Variants in ARPC2 observed in about 807,000 individuals in gnomAD.
ARPC2 encodes actin related protein 2/3 complex subunit 2, also known as actin-related protein 2/3 complex subunit 2.
ARPC2 carries 4 observed loss-of-function variants against 38.6 expected under a neutral mutation model. The ratio of observed to expected loss-of-function variants is 0.10; its 90% CI spans 0.05 to 0.24. The LOEUF (loss-of-function observed/expected upper bound fraction) is 0.24, where lower values mean the gene tolerates loss of function less well. Among genes scored for constraint, ARPC2 ranks in the 10% least tolerant of loss-of-function variants. The probability of loss-of-function intolerance (pLI) is 1.00; values close to 1 mark genes in which losing one functional copy is unlikely to be tolerated. For missense variants in ARPC2, 229 were observed against 387.3 expected (o/e 0.59, Z 3.43); for synonymous variants, 125 against 140.8 (o/e 0.89, Z 0.79).
In ARPC2 at chr2:218,228,734, A is replaced by G. The variant is rs747583083; in HGVS notation, c.110-4A>G. The G allele has an allele frequency of 2.6e-6, 4 of 1,542,966 alleles. No individual in the cohort carries two copies. Among genetic ancestry groups the G allele is most frequent in the Non-Finnish European group, 3.6e-6 (4 of 1,116,198 alleles). The stretch of plus-strand genomic sequence containing the variant: ...TTACGCAATCTTATTTGCTTTCCTC[A>G]CAGATTTCGATGGGGTCCTCTATCA... On this transcript the variant is annotated splice_region_variant and splice_polypyrimidine_tract_variant and intron_variant, in intron 3 of 10. Transcript: ENST00000315717.
chr2:218,240,186 C>A (rs539297685), intron 7 of ARPC2, among the ~76,000 whole-genome samples: 57 of 152,126 alleles, frequency 3.7e-4, no homozygotes, highest in African/African-American at 1.1e-3. Flanking sequence ...ATCTCCTGAC[C>A]TCATGATCCG....
intron 2 of ARPC2, among the ~76,000 whole-genome samples, chr2:218,221,110 A>G (rs990023240): frequency 6.6e-6 from 1 of 152,194 alleles, no homozygotes; most frequent in African/African-American, 2.4e-5. Context: ...AGGCCTGTCA[A>G]CTTAGCTGGA....
At chr2:218,227,180 A>T (rs1211852917) in intron 3 of ARPC2, 2 of 344,362 alleles carry the variant, frequency 5.8e-6, no homozygotes, top group Admixed American at 7.3e-5. Context: ...CCATAAAGTG[A>T]TGGCACTCAG....
intron 5 of ARPC2, among the ~76,000 whole-genome samples, chr2:218,237,568 A>G (rs1689803865): frequency 6.9e-6 from 1 of 145,778 alleles, no homozygotes; most frequent in Non-Finnish European, 1.5e-5. Context: ...AAGTCAGGCA[A>G]TTTTTTTTGT....
At chr2:218,253,362 A>T (rs1052388279) in intron 10 of ARPC2, among the ~76,000 whole-genome samples, 9 of 152,180 alleles carry the variant, frequency 5.9e-5, no homozygotes, top group African/African-American at 1.9e-4. Flanking sequence ...CGAACCAGGC[A>T]GGTGTTGTAT....
intron 3 of ARPC2, among the ~76,000 whole-genome samples, chr2:218,227,547 C>G (rs1404200286): frequency 6.6e-6 from 1 of 151,722 alleles, no homozygotes; most frequent in Non-Finnish European, 1.5e-5. Context: ...CTGCCTCCGC[C>G]TCTCAAGTAG....
intron 6 of ARPC2, 152 bp from the exon 7 acceptor site, chr2:218,239,239 T>C: frequency 1.6e-6 from 1 of 621,300 alleles, no homozygotes. Flanking sequence ...GCACTGACTT[T>C]GTTGACCATA....
chr2:218,217,655 A>G, intron 2 of ARPC2, 111 bp downstream of exon 2: 2 of 1,173,322 alleles, frequency 1.7e-6, no homozygotes, highest in African/African-American at 1.5e-5. Flanking sequence ...GGTGCCTGGC[A>G]GGGTGTAGGG....
intron 3 of ARPC2, chr2:218,227,085 C>T: frequency 4.4e-6 from 2 of 452,846 alleles, no homozygotes; most frequent in Middle Eastern, 6.5e-4. Flanking sequence ...CTCTGAAGTG[C>T]TGTTACCTGG....
chr2:218,245,215 C>T (rs563669620), intron 7 of ARPC2, among the ~76,000 whole-genome samples: 57 of 152,318 alleles, frequency 3.7e-4, no homozygotes, highest in African/African-American at 1.1e-3. Flanking sequence ...TTATTAAGTA[C>T]TTTGCAGTCT....
intron 7 of ARPC2, among the ~76,000 whole-genome samples, chr2:218,243,813 A>G (rs961515750): frequency 6.6e-6 from 1 of 152,250 alleles, no homozygotes; most frequent in Admixed American, 6.5e-5. Context: ...CCAGAAACGT[A>G]TCGTTGACCG....
intron 4 of ARPC2, chr2:218,233,902 T>G (rs550591843): frequency 6.5e-6 from 1 of 154,022 alleles, no homozygotes; most frequent in Non-Finnish European, 1.4e-5. Flanking sequence ...TAGTGGCTCA[T>G]GCCTATAATC....
At chr2:218,245,244 G>A (rs949393450) in intron 7 of ARPC2, among the ~76,000 whole-genome samples, 176 bp from the exon 8 acceptor site, 1 of 152,224 alleles carries the variant, frequency 6.6e-6, no homozygotes, top group South Asian at 2.1e-4. Flanking sequence ...TGAATCTGAA[G>A]TGTAGTGGTA....
At chr2:218,239,313 G>A (rs1027085835) in intron 6 of ARPC2, 78 bp from the exon 7 acceptor site, 2 of 994,126 alleles carry the variant, frequency 2.0e-6, no homozygotes, top group Non-Finnish European at 3.2e-6. Flanking sequence ...TTAGCCTTCT[G>A]ATGTACTTGT....
chr2:218,240,815 C>A (rs1689895379), intron 7 of ARPC2, among the ~76,000 whole-genome samples: 1 of 152,120 alleles, frequency 6.6e-6, no homozygotes, highest in Non-Finnish European at 1.5e-5. Context: ...ATCTCTTGAA[C>A]CTGGGAGGCA....
In ARPC2 at chr2:218,244,682, A is replaced by G. The variant is rs552433946; in HGVS notation, c.550-738A>G. ...TATTAGGAGGCAGTATTTGAGCAGCAGTAGAAGGGCACGCAGGCCACATGG... is the reference window on the plus strand; with the variant it reads ...TATTAGGAGGCAGTATTTGAGCAGCGGTAGAAGGGCACGCAGGCCACATGG... On this transcript the variant is annotated intron_variant, in intron 7 of 10. Coordinates refer to ENST00000315717, the MANE Select transcript of ARPC2 (RefSeq NM_152862.3). Among the ~76,000 whole-genome samples the G allele has an allele frequency of 3.9e-5, 6 of 152,384 alleles. No homozygotes were observed. The East Asian group carries it at 1.2e-3, about 29-fold the overall frequency.
At chr2:218,233,755 T>G (rs2106150518) in intron 4 of ARPC2, 1 of 152,288 alleles carries the variant, frequency 6.6e-6, no homozygotes, top group East Asian at 1.9e-4. Context: ...CACTTGGAAT[T>G]TGGCATCCTT....
At chr2:218,217,656 G>GCCCCTACACCCTGCCA in intron 2 of ARPC2, 112 bp downstream of exon 2, 1 of 1,162,458 alleles carries the variant, frequency 8.6e-7, no homozygotes, top group Non-Finnish European at 1.2e-6. Context: ...GTGCCTGGCA[G>GCCCCTACACCCTGCCA]GGTGTAGGGG....
intron 4 of ARPC2, 191 bp from the exon 5 acceptor site, chr2:218,234,161 C>T (rs898424617): frequency 5.8e-6 from 3 of 513,268 alleles, no homozygotes; most frequent in Non-Finnish European, 1.0e-5. Flanking sequence ...AAAAGATACT[C>T]ATCTCAGTTT....
Sources: gnomAD v4.1 joint callset for allele counts (sites outside exome capture counted in the v4.1 genomes callset) on GRCh38, gnomAD v4.1.1 for gene constraint, MANE v1.5 for transcripts, NCBI Gene and HGNC (gene_info 2026-07-23, HGNC 2026-07-21) for gene names.